The following PAX5 variants were observed in gnomAD, a reference collection of about 807,000 sequenced individuals.
PAX5 encodes the protein paired box protein Pax-5.
A neutral mutation model predicts 43.7 loss-of-function variants in PAX5; 9 were observed. The observed-to-expected ratio is 0.21, with a 90% CI of 0.12 to 0.36. The LOEUF (loss-of-function observed/expected upper bound fraction) is 0.36, where lower values mean the gene tolerates loss of function less well. Ranked by LOEUF, PAX5 falls within the 10% of genes least tolerant of loss-of-function variation. The probability of loss-of-function intolerance (pLI) is 1.00; values close to 1 mark genes in which losing one functional copy is unlikely to be tolerated. For missense variants in PAX5, 383 were observed against 532.7 expected (o/e 0.72, Z 2.77); for synonymous variants, 228 against 214.3 (o/e 1.06, Z -0.56).
intron 2 of PAX5, among the ~76,000 whole-genome samples, chr9:37,020,074 TC>T (rs1839725183): frequency 6.7e-6 from 1 of 149,734 alleles, no homozygotes; most frequent in South Asian, 2.2e-4. Flanking sequence ...CTTTCAAATG[TC>T]ATATTTGAAA....
chr9:36,985,210 G>T (rs1469000763), intron 5 of PAX5, among the ~76,000 whole-genome samples: 1 of 152,222 alleles, frequency 6.6e-6, no homozygotes, highest in Non-Finnish European at 1.5e-5. Flanking sequence ...TGAGTGCCAT[G>T]ACAAAGGGAA....
At chr9:36,989,336 A>G (rs4880049) in intron 5 of PAX5, among the ~76,000 whole-genome samples, 74,048 of 152,034 alleles carry the variant, frequency 0.49, 18,330 homozygotes, top group East Asian at 0.67. Flanking sequence ...TGGGATGGCC[A>G]GTAAGCACCT....
Position 36,835,220 on chromosome 9 carries a change from A to AC in PAX5, c.*5339dup, listed in dbSNP as rs1052299148. The AC allele has an allele frequency of 4.3e-6, 1 of 232,732 alleles. No homozygotes were observed. Among genetic ancestry groups the AC allele is most frequent in the Non-Finnish European group, 8.5e-6 (1 of 117,932 alleles). The allele number at this position is 232,732 out of a possible 1,614,324, so 14.4% of individuals were successfully genotyped here. A position where few individuals can be genotyped will look rare whatever the true frequency, so the allele number is the denominator to read the frequency against. On this transcript the variant is annotated 3_prime_UTR_variant, in exon 10 of 10. Coordinates refer to ENST00000358127, the MANE Select transcript of PAX5 (RefSeq NM_016734.3). ...CCATCTTGGAGATGAGCTAAAGGGG[A>AC]CCCCTTGGATTGAAACTCTAGAATG...
At chr9:36,921,068 C>G (rs1404296253) in intron 7 of PAX5, among the ~76,000 whole-genome samples, 1 of 152,198 alleles carries the variant, frequency 6.6e-6, no homozygotes, top group East Asian at 1.9e-4. Context: ...CCGCCTCGGC[C>G]TCCCAAAGTG....
chr9:36,840,602 T>C lies in PAX5; in HGVS notation c.1134A>G (p.Gly378=), dbSNP rs1161404888. 1 of 1,581,512 alleles carries C rather than the reference T, an allele frequency of 6.3e-7. No individual in the cohort carries two copies. The highest frequency in any genetic ancestry group is 1.2e-5 in the South Asian group (1 of 86,210). ...SPYYYSAAAR[G]AAPPAAATAY... Reference sequence around the variant, plus strand: ...CAGTGGCGGCTGCAGGTGGGGCGGCTCCTCGGGCGGCAGCGCTATAATAGT... The same window carrying C: ...CAGTGGCGGCTGCAGGTGGGGCGGCCCCTCGGGCGGCAGCGCTATAATAGT... The change falls in exon 10 of 10, where the codon GGA becomes GGG. Residue 378 remains glycine, a synonymous_variant. Coordinates refer to ENST00000358127, the MANE Select transcript of PAX5 (RefSeq NM_016734.3).
At chr9:36,861,194 A>G (rs1211509437) in intron 8 of PAX5, 1 of 152,032 alleles carries the variant, frequency 6.6e-6, no homozygotes, top group African/African-American at 2.4e-5. Context: ...TCCACTGCAG[A>G]CAGTCGCAAT....
chr9:36,968,431 G>A (rs547981512), intron 5 of PAX5, among the ~76,000 whole-genome samples: 1 of 152,322 alleles, frequency 6.6e-6, no homozygotes, highest in African/African-American at 2.4e-5. Context: ...AAAGATAGCA[G>A]CTTTGAGTTT....
rs1481207359 is a variant in PAX5, at chr9:37,034,105, T to TTC, written c.-75_-74insGA. ...TTTTGTGCCTTTTTTTTTCTTTTTT[T>TTC]TTTTTTTTTTTTTTTTTTTTTGGTG... On this transcript the variant is annotated 5_prime_UTR_variant, in exon 1 of 10. Transcript: ENST00000358127. The TTC allele has an allele frequency of 1.4e-6, 1 of 726,086 alleles. No homozygotes were observed. Among genetic ancestry groups the TTC allele is most frequent in the Non-Finnish European group, 2.2e-6 (1 of 462,968 alleles). The allele number at this position is 726,086 out of a possible 1,614,324, so 45.0% of individuals were successfully genotyped here.
intron 1 of PAX5, among the ~76,000 whole-genome samples, chr9:37,023,845 A>T (rs941988634): frequency 6.6e-6 from 1 of 152,214 alleles, no homozygotes; most frequent in Non-Finnish European, 1.5e-5. Flanking sequence ...GGGAAAGGGC[A>T]GGGAAGAAGT....
At chr9:36,876,156 T>G (rs140363478) in intron 8 of PAX5, among the ~76,000 whole-genome samples, 1 of 152,222 alleles carries the variant, frequency 6.6e-6, no homozygotes, top group Non-Finnish European at 1.5e-5. Flanking sequence ...TCACTCCCCC[T>G]GTGGTGTTCA....
intron 6 of PAX5, among the ~76,000 whole-genome samples, chr9:36,940,647 G>A (rs1831973924): frequency 1.3e-5 from 2 of 152,010 alleles, no homozygotes; most frequent in Admixed American, 6.5e-5. Context: ...AGGATGTGCT[G>A]CTGTCCCAGG....
At chr9:36,966,987 C>A (rs946358978) in intron 5 of PAX5, among the ~76,000 whole-genome samples, 1 of 152,134 alleles carries the variant, frequency 6.6e-6, no homozygotes, top group Non-Finnish European at 1.5e-5. Context: ...TCATGATGAC[C>A]CTCAAGGTAG....
intron 7 of PAX5, among the ~76,000 whole-genome samples, chr9:36,919,996 C>A (rs12349215): frequency 0.021 from 3,227 of 152,018 alleles, 118 homozygotes; most frequent in African/African-American, 0.074. Flanking sequence ...GAAGTAATTG[C>A]AGATATGGTG....
rs547915152 is a variant in PAX5 at position 36,944,923 on chromosome 9, C to T, written c.781-21439G>A. ...TCTGTGCCTATGGTTAAACACAGAC[C>T]GAGCTGGAAGTGGTACTGACACCCT... On this transcript the variant is annotated intron_variant, in intron 6 of 9. Coordinates refer to ENST00000358127, the MANE Select transcript of PAX5 (RefSeq NM_016734.3). Among the ~76,000 whole-genome samples, 30 of 152,306 alleles carry T rather than the reference C, an allele frequency of 2.0e-4. 1 individual carries two copies. The South Asian group carries it at 6.0e-3, about 31-fold the overall frequency.
At chr9:36,847,753 T>C (rs1026676896) in intron 8 of PAX5, among the ~76,000 whole-genome samples, 4 of 152,164 alleles carry the variant, frequency 2.6e-5, no homozygotes, top group Non-Finnish European at 5.9e-5. Flanking sequence ...GGAGCAGTAA[T>C]ACCTGCCTCT....
In PAX5 at chr9:37,034,260, T is replaced by G. The variant is rs1841326839; in HGVS notation, c.-229A>C. On this transcript the variant is annotated 5_prime_UTR_variant, in exon 1 of 10. Transcript: ENST00000358127. Reference sequence around the variant, plus strand: ...GCGTCCGAAGGCACCGTGAAATGATTAAGGAACTAAAGAGCTTCTCGCCAT... The same window carrying G: ...GCGTCCGAAGGCACCGTGAAATGATGAAGGAACTAAAGAGCTTCTCGCCAT... 3.7e-6 allele frequency: 2 copies of G among 536,612 alleles called. No homozygotes were observed. The highest frequency in any genetic ancestry group is 6.6e-6 in the Non-Finnish European group (2 of 304,038). 33.2% of individuals were successfully genotyped at this position (536,612 alleles called of 1,614,324 possible). A position where few individuals can be genotyped will look rare whatever the true frequency, so the allele number is the denominator to read the frequency against.
Position 36,966,731 on chromosome 9 carries a change from T to C in PAX5, c.605-7A>G. 2 of 1,613,334 alleles carry C rather than the reference T, an allele frequency of 1.2e-6. No homozygotes were observed. Among genetic ancestry groups the C allele is most frequent in the Non-Finnish European group, 1.7e-6 (2 of 1,179,536 alleles). On this transcript the variant is annotated splice_region_variant and splice_polypyrimidine_tract_variant and intron_variant, in intron 5 of 9. Transcript: ENST00000358127. ...ACCGGAGACTCCTGAATACCTTTGA[T>C]GAGCAGGAGAGAGGAAGGGTGAGTG...
At chr9:36,934,495 G>T (rs1279938505) in intron 6 of PAX5, among the ~76,000 whole-genome samples, 1 of 152,202 alleles carries the variant, frequency 6.6e-6, no homozygotes, top group African/African-American at 2.4e-5. Context: ...CTCGGTAAAG[G>T]GTGTATAGGA....
chr9:36,942,491 C>T (rs924910529), intron 6 of PAX5, among the ~76,000 whole-genome samples: 2 of 152,220 alleles, frequency 1.3e-5, no homozygotes, highest in Admixed American at 1.3e-4. Context: ...GGTAATTTCA[C>T]AGCACCTTTT....
Sources: gnomAD v4.1 joint callset for allele counts (sites outside exome capture counted in the v4.1 genomes callset) on GRCh38, gnomAD v4.1.1 for gene constraint, MANE v1.5 for transcripts, NCBI Gene and HGNC (gene_info 2026-07-23, HGNC 2026-07-21) for gene names.